The following MTARC1 variants were observed in gnomAD, a reference collection of about 807,000 sequenced individuals.
The protein encoded by MTARC1 is mitochondrial amidoxime-reducing component 1.
MTARC1 carries 24 observed loss-of-function variants against 33.6 expected under a neutral mutation model. The ratio of observed to expected loss-of-function variants is 0.72; its 90% CI spans 0.52 to 1.01. The LOEUF (loss-of-function observed/expected upper bound fraction) is 1.01. MTARC1 is among the 50% of genes least tolerant of loss of function. The probability of loss-of-function intolerance (pLI) is 0.00; values close to 1 mark genes in which losing one functional copy is unlikely to be tolerated. For missense variants in MTARC1, 417 were observed against 445.7 expected, an observed-to-expected ratio of 0.94 and a Z score of 0.58; for synonymous variants, 187 against 189.5, an observed-to-expected ratio of 0.99 and a Z score of 0.11.
At position 220,813,655 on chromosome 1, in the gene MTARC1, G is replaced by C. The variant is rs904825724; in HGVS notation, c.*237G>C. 2.1e-6 allele frequency: 1 copy of C among 466,802 alleles called. No individual in the cohort carries two copies. Among genetic ancestry groups the C allele is most frequent in the Non-Finnish European group, 3.8e-6 (1 of 260,676 alleles). 28.9% of individuals were successfully genotyped at this position (466,802 alleles called of 1,614,324 possible). ...CTTCAGTAAGTCACTTAAATGACAA[G>C]ACAGGATTCTGAAAACTCCCCGTTT... On this transcript the variant is annotated 3_prime_UTR_variant, in exon 7 of 7. Coordinates refer to ENST00000366910, the MANE Select transcript of MTARC1 (RefSeq NM_022746.4).
Position 220,796,618 on chromosome 1 carries a change from C to A in MTARC1, c.450-25C>A, listed in dbSNP as rs370364403. Reference sequence around the variant, plus strand: ...GCATGGATTTTCAAAGCCATGTCTGCCCTTTGCTCCTGCTACCCCTGCAGA... The same window carrying A: ...GCATGGATTTTCAAAGCCATGTCTGACCTTTGCTCCTGCTACCCCTGCAGA... On this transcript the variant is annotated intron_variant, in intron 2 of 6. Coordinates refer to ENST00000366910, the MANE Select transcript of MTARC1 (RefSeq NM_022746.4). The A allele has an allele frequency of 9.7e-5, 151 of 1,549,998 alleles. No homozygotes were observed. The Admixed American group carries it at 1.8e-3, about 19-fold the overall frequency.
In MTARC1 at chr1:220,819,469, A is replaced by G. The variant is rs1673343491; in HGVS notation, c.*6051A>G. On this transcript the variant is annotated 3_prime_UTR_variant, in exon 7 of 7. Coordinates refer to ENST00000366910, the MANE Select transcript of MTARC1 (RefSeq NM_022746.4). ...CTATCAAAAGGCTGAGAAAATTAAC[A>G]TGTTCCCCCCTCTGATTTTGCATTG... 1 of 151,580 alleles carries G rather than the reference A, an allele frequency of 6.6e-6. No homozygotes were observed. Among genetic ancestry groups the G allele is most frequent in the Non-Finnish European group, 1.5e-5 (1 of 68,038 alleles). 9.4% of individuals were successfully genotyped at this position (151,580 alleles called of 1,614,324 possible).
intron 2 of MTARC1, among the ~76,000 whole-genome samples, chr1:220,792,132 C>T (rs4131748): frequency 1.3e-4 from 19 of 151,906 alleles, no homozygotes; most frequent in Admixed American, 1.0e-3. Flanking sequence ...AGATTTAGTT[C>T]TAATGAAAGG....
chr1:220,792,118 C>T (rs941369828), intron 2 of MTARC1, among the ~76,000 whole-genome samples: 4 of 152,026 alleles, frequency 2.6e-5, no homozygotes, highest in South Asian at 2.1e-4. Context: ...CTATGTGACC[C>T]GTAAGATTTA....
At chr1:220,809,579 A>G (rs554278873) in intron 6 of MTARC1, among the ~76,000 whole-genome samples, 8 of 152,266 alleles carry the variant, frequency 5.3e-5, no homozygotes, top group Non-Finnish European at 8.8e-5. Flanking sequence ...GAGCAATCTC[A>G]GCTCTCTGCA....
At chr1:220,792,121 A>G (rs1488912647) in intron 2 of MTARC1, among the ~76,000 whole-genome samples, 1 of 152,190 alleles carries the variant, frequency 6.6e-6, no homozygotes, top group African/African-American at 2.4e-5. Context: ...TGTGACCCGT[A>G]AGATTTAGTT....
intron 6 of MTARC1, 42 bp downstream of exon 6, chr1:220,805,316 C>T (rs376162249): frequency 3.6e-5 from 58 of 1,604,608 alleles, no homozygotes; most frequent in Non-Finnish European, 4.5e-5. Flanking sequence ...GTTTAGGTGC[C>T]GGGAACGGAA....
rs754433799 is a variant in MTARC1 at position 220,797,999 on chromosome 1, C to A, written c.738C>A (p.Cys246Ter). 2 of 1,614,058 alleles carry A rather than the reference C, an allele frequency of 1.2e-6. No individual in the cohort carries two copies. The highest frequency in any genetic ancestry group is 1.7e-5 in the Admixed American group (1 of 60,010). Residue 246 changes from cysteine (C) to a stop codon, truncating the protein, a stop_gained, in exon 4 of 7, where the codon TGC (cysteine) becomes TGA (stop). Transcript: ENST00000366910. LOFTEE classifies it high-confidence loss of function. ...NFRPNIVISG[C>*]DVYAEDSWDE... ...GGCCCAATATTGTAATTTCAGGATG[C>A]GATGTCTATGCAGAGGTAACACTAT...
At position 220,796,629 on chromosome 1, in the gene MTARC1, TGC is replaced by T. The variant is rs779557225; in HGVS notation, c.450-13_450-12del. 1.9e-6 allele frequency: 3 copies of T among 1,559,002 alleles called. No homozygotes were observed. Among genetic ancestry groups the T allele is most frequent in the Non-Finnish European group, 2.6e-6 (3 of 1,158,052 alleles). ...CAAAGCCATGTCTGCCCTTTGCTCC[TGC>T]TACCCCTGCAGAGTGCACGGCCTGG... is the stretch of plus-strand genomic sequence containing the variant. On this transcript the variant is annotated splice_polypyrimidine_tract_variant and intron_variant, in intron 2 of 6. Transcript: ENST00000366910.
intron 4 of MTARC1, chr1:220,799,240 C>T (rs551388890): frequency 1.4e-5 from 13 of 930,328 alleles, no homozygotes; most frequent in East Asian, 2.3e-4. Flanking sequence ...CCAAGGGTAG[C>T]GTTTCTTCTA....
At chr1:220,806,987 C>T (rs1672990676) in intron 6 of MTARC1, among the ~76,000 whole-genome samples, 1 of 152,198 alleles carries the variant, frequency 6.6e-6, no homozygotes, top group South Asian at 2.1e-4. Context: ...TTTGCATCAA[C>T]ATTCAAAGAG....
chr1:220,800,812 C>A lies in MTARC1; in HGVS notation c.753+2798C>A, dbSNP rs1051024924. ...CAGCTCTGACTTCCGCTGGCTCAGG[C>A]CCCAAACTGCGAACCACCCCTTGTT... is the stretch of plus-strand genomic sequence containing the variant. On this transcript the variant is annotated intron_variant, in intron 4 of 6. Transcript: ENST00000366910. Among the ~76,000 whole-genome samples the A allele has an allele frequency of 5.3e-5, 8 of 152,052 alleles. 1 individual carries two copies. The highest frequency in any genetic ancestry group is 1.9e-4 in the African/African-American group (8 of 41,404).
At chr1:220,788,253 G>T (rs546715849) in intron 1 of MTARC1, among the ~76,000 whole-genome samples, 1 of 152,316 alleles carries the variant, frequency 6.6e-6, no homozygotes, top group East Asian at 1.9e-4. Flanking sequence ...TGCAAAACCC[G>T]GGAGCCGGCA....
At position 220,818,482 on chromosome 1, in the gene MTARC1, A is replaced by C. The variant is rs948062967; in HGVS notation, c.*5064A>C. 1.3e-5 allele frequency: 2 copies of C among 152,186 alleles called. No homozygotes were observed. The highest frequency in any genetic ancestry group is 6.5e-5 in the Admixed American group (1 of 15,284). The allele number at this position is 152,186 out of a possible 1,614,324, so 9.4% of individuals were successfully genotyped here. ...GGTTATTTGTTGGCCAGTCTAGTGCATTCACCCTTGCTGGTCCTCAGTCAT... is the reference window on the plus strand; with the variant it reads ...GGTTATTTGTTGGCCAGTCTAGTGCCTTCACCCTTGCTGGTCCTCAGTCAT... On this transcript the variant is annotated 3_prime_UTR_variant, in exon 7 of 7. Coordinates refer to ENST00000366910, the MANE Select transcript of MTARC1 (RefSeq NM_022746.4).
At chr1:220,792,679 A>G (rs962791379) in intron 2 of MTARC1, among the ~76,000 whole-genome samples, 2 of 151,490 alleles carry the variant, frequency 1.3e-5, no homozygotes, top group African/African-American at 4.8e-5. Flanking sequence ...AACAAAAACT[A>G]TCTGTGATAA....
At chr1:220,805,869 G>A (rs72472339) in intron 6 of MTARC1, among the ~76,000 whole-genome samples, 4,483 of 152,058 alleles carry the variant, frequency 0.029, 227 homozygotes, top group African/African-American at 0.1. Context: ...ACACAGTACC[G>A]AGAATCATTT....
intron 2 of MTARC1, among the ~76,000 whole-genome samples, chr1:220,792,929 T>G (rs139893443): frequency 1.1e-3 from 173 of 152,310 alleles, no homozygotes; most frequent in African/African-American, 4.1e-3. Flanking sequence ...TTTGATTGTC[T>G]TAATTTTTTT....
At chr1:220,805,145 G>C (rs1306315447) in intron 5 of MTARC1, 32 bp downstream of exon 5, 1 of 1,614,070 alleles carries the variant, frequency 6.2e-7, no homozygotes, top group South Asian at 1.1e-5. Context: ...GTGGGGTGGA[G>C]GTGGGGATAA....
intron 2 of MTARC1, among the ~76,000 whole-genome samples, chr1:220,791,981 G>A (rs976182101): frequency 2.6e-5 from 4 of 152,064 alleles, no homozygotes; most frequent in Non-Finnish European, 4.4e-5. Context: ...AATGGGGTGG[G>A]AGTGGTGGGG....
Sources: gnomAD v4.1 joint callset for allele counts (sites outside exome capture counted in the v4.1 genomes callset) on GRCh38, gnomAD v4.1.1 for gene constraint, MANE v1.5 for transcripts, NCBI Gene and HGNC (gene_info 2026-07-23, HGNC 2026-07-21) for gene names.